DMD: variants seen among roughly 807,000 people sequenced by gnomAD.
DMD encodes the protein mutant dystrophin.
In DMD, 63 loss-of-function variants were observed where a neutral mutation model predicts 330.1. The ratio of observed to expected loss-of-function variants is 0.19; its 90% CI spans 0.16 to 0.24. The LOEUF (loss-of-function observed/expected upper bound fraction) is 0.24, where lower values mean the gene tolerates loss of function less well. Among genes scored for constraint, DMD ranks in the 10% least tolerant of loss-of-function variants. The probability of loss-of-function intolerance (pLI) is 1.00; values close to 1 mark genes in which losing one functional copy is unlikely to be tolerated. For synonymous variants in DMD, 1,223 were observed against 959.8 expected (o/e 1.27, Z -5.07); for missense variants, 3,344 against 2,684.1 (o/e 1.25, Z -5.43).
chrX:31,718,362 A>G (rs928563805), intron 52 of DMD, among the ~76,000 whole-genome samples: 2 of 111,047 alleles, frequency 1.8e-5, no homozygotes, highest in African/African-American at 6.6e-5. Context: ...TATAGCTAGC[A>G]GGGCACTATC....
intron 1 of DMD, among the ~76,000 whole-genome samples, chrX:33,322,443 G>A (rs2054029526): frequency 9.0e-6 from 1 of 110,860 alleles, no homozygotes; most frequent in African/African-American, 3.3e-5. Flanking sequence ...CATTGATTAA[G>A]TTTGTTATTT....
chrX:31,345,143 G>A (rs1031552109), intron 61 of DMD, among the ~76,000 whole-genome samples: 3 of 112,209 alleles, frequency 2.7e-5, no homozygotes, highest in African/African-American at 3.2e-5. Flanking sequence ...GCTTTTAAGC[G>A]TATATTGATA....
intron 55 of DMD, among the ~76,000 whole-genome samples, chrX:31,599,500 A>T (rs2077250979): frequency 8.9e-6 from 1 of 112,297 alleles, no homozygotes; most frequent in Non-Finnish European, 1.9e-5. Context: ...ATTAAGATAG[A>T]AGATATTTAA....
chrX:32,313,194 A>C (rs1015640479), intron 41 of DMD, among the ~76,000 whole-genome samples: 6 of 110,481 alleles, frequency 5.4e-5, no homozygotes, highest in African/African-American at 2.0e-4. Flanking sequence ...TAAAAAGCAT[A>C]TCCATCACAA....
intron 73 of DMD, among the ~76,000 whole-genome samples, chrX:31,171,550 T>G (rs2039998113): frequency 1.8e-5 from 2 of 111,883 alleles, no homozygotes; most frequent in Admixed American, 1.9e-4. Flanking sequence ...TTTATTCACT[T>G]GGCAAATCCT....
intron 44 of DMD, among the ~76,000 whole-genome samples, chrX:32,082,923 T>TTC (rs2096404544): frequency 9.0e-6 from 1 of 111,601 alleles, no homozygotes; most frequent in South Asian, 3.8e-4. Context: ...AATAAAGGAG[T>TTC]TCTCCAAAGG....
At chrX:31,687,821 A>C (rs1402895792) in intron 52 of DMD, among the ~76,000 whole-genome samples, 1 of 111,404 alleles carries the variant, frequency 9.0e-6, no homozygotes, top group Non-Finnish European at 1.9e-5. Flanking sequence ...TTCTTTCTTT[A>C]TCCTTGACCT....
chrX:32,932,281 G>T (rs2089655572), intron 2 of DMD, among the ~76,000 whole-genome samples: 2 of 112,259 alleles, frequency 1.8e-5, no homozygotes, highest in Non-Finnish European at 3.8e-5. Flanking sequence ...CTGCTCTTTT[G>T]TGAAAATTGC....
intron 4 of DMD, among the ~76,000 whole-genome samples, chrX:32,841,724 G>A (rs1378732968): frequency 9.0e-6 from 1 of 111,553 alleles, no homozygotes; most frequent in East Asian, 2.8e-4. Context: ...AAAACAAAAT[G>A]GTAAAACGAT....
intron 11 of DMD, among the ~76,000 whole-genome samples, chrX:32,631,313 C>T (rs754360964): frequency 2.7e-5 from 3 of 111,268 alleles, no homozygotes; most frequent in Non-Finnish European, 5.7e-5. Context: ...TTGATCAAGG[C>T]CCACACTGAC....
At position 32,364,572 on chromosome X, in the gene DMD, T is replaced by A; in HGVS notation, c.5154+10A>T. On this transcript the variant is annotated intron_variant, in intron 36 of 78. Transcript: ENST00000357033. Reference sequence around the variant, plus strand: ...AATTTGGACATTACTTTTCATATTTTATTTGCTACCTTAAGCACGTCTTCT... The same window carrying A: ...AATTTGGACATTACTTTTCATATTTAATTTGCTACCTTAAGCACGTCTTCT... 8.3e-7 allele frequency: 1 copy of A among 1,210,508 alleles called. No individual in the cohort carries two copies. Among genetic ancestry groups the A allele is most frequent in the South Asian group, 1.8e-5 (1 of 56,997 alleles).
chrX:32,870,975 AAAAAAAAAAAAAAC>A (rs2082924362), intron 2 of DMD, among the ~76,000 whole-genome samples: 1 of 79,405 alleles, frequency 1.3e-5, no homozygotes, highest in Non-Finnish European at 2.5e-5. Flanking sequence ...AAAAAAAAAA[AAAAAAAAAAAAAAC>A]CACAAAACCC....
intron 54 of DMD, among the ~76,000 whole-genome samples, chrX:31,629,323 G>A (rs1603430497): frequency 9.0e-6 from 1 of 111,448 alleles, no homozygotes; most frequent in Non-Finnish European, 1.9e-5. Context: ...CAAAGCCCCC[G>A]GAAGAGCTGT....
intron 47 of DMD, among the ~76,000 whole-genome samples, chrX:31,902,487 C>A (rs899630148): frequency 9.0e-6 from 1 of 111,504 alleles, no homozygotes; most frequent in African/African-American, 3.3e-5. Flanking sequence ...AAATACTGTG[C>A]AACATATAGT....
chrX:33,049,819 TC>T (rs1420836209), intron 1 of DMD, among the ~76,000 whole-genome samples: 1 of 111,898 alleles, frequency 8.9e-6, no homozygotes, highest in African/African-American at 3.2e-5. Context: ...TCTGTTAAGT[TC>T]ACTTAAATAT....
intron 9 of DMD, among the ~76,000 whole-genome samples, chrX:32,664,109 C>A (rs140010566): frequency 0.011 from 1,236 of 111,263 alleles, 23 homozygotes; most frequent in African/African-American, 0.038. Context: ...TAAGGCAAGG[C>A]CAAAGCAGGC....
chrX:33,079,145 C>T (rs1239988309), intron 1 of DMD, among the ~76,000 whole-genome samples: 1 of 111,574 alleles, frequency 9.0e-6, no homozygotes, highest in Non-Finnish European at 1.9e-5. Flanking sequence ...ATTCTCCTGC[C>T]TCGGTCTCCC....
intron 1 of DMD, among the ~76,000 whole-genome samples, chrX:33,329,080 C>G (rs192592413): frequency 8.9e-6 from 1 of 111,782 alleles, no homozygotes; most frequent in Non-Finnish European, 1.9e-5. Context: ...GATAGAATTA[C>G]TTTCTTTAAT....
At chrX:32,292,918 G>C (rs1020801901) in intron 42 of DMD, among the ~76,000 whole-genome samples, 7 of 112,299 alleles carry the variant, frequency 6.2e-5, no homozygotes, top group African/African-American at 2.3e-4. Flanking sequence ...CTGTGTTCTC[G>C]TGTCTTATTT....
Sources: allele counts gnomAD v4.1 joint callset (sites outside exome capture counted in the v4.1 genomes callset), GRCh38; gene constraint gnomAD v4.1.1; transcripts MANE v1.5; gene names NCBI Gene and HGNC (gene_info 2026-07-23, HGNC 2026-07-21).